Variants in VPS4B observed in about 807,000 individuals in gnomAD.
The protein encoded by VPS4B is vacuolar protein sorting-associated protein 4B.
VPS4B carries 23 observed loss-of-function variants against 56.1 expected under a neutral mutation model. That is an observed-to-expected ratio of 0.41 (90% CI 0.30 to 0.58). The LOEUF (loss-of-function observed/expected upper bound fraction) is 0.58, where lower values mean the gene tolerates loss of function less well. Ranked by LOEUF, VPS4B falls within the 20% of genes least tolerant of loss-of-function variation. The pLI, the probability that VPS4B is intolerant of heterozygous loss-of-function variation, is 0.29. For synonymous variants in VPS4B, 177 were observed against 186.0 expected (o/e 0.95, Z 0.39); for missense variants, 372 against 531.9 (o/e 0.70, Z 2.96).
At chr18:63,410,520 A>G in intron 2 of VPS4B, 74 bp from the exon 3 acceptor site, 1 of 1,547,960 alleles carries the variant, frequency 6.5e-7, no homozygotes, top group Non-Finnish European at 8.7e-7. Flanking sequence ...TTAAATATGT[A>G]TTTTTTCAGA....
intron 7 of VPS4B, among the ~76,000 whole-genome samples, chr18:63,399,731 T>C (rs1915768638): frequency 1.3e-5 from 2 of 152,194 alleles, no homozygotes; most frequent in South Asian, 2.1e-4. Flanking sequence ...TATGTATGCA[T>C]ATGGAAGACA....
chr18:63,405,851 T>C (rs1420505791), intron 4 of VPS4B, among the ~76,000 whole-genome samples: 1 of 151,020 alleles, frequency 6.6e-6, no homozygotes, highest in African/African-American at 2.4e-5. Flanking sequence ...CCGGGCATGG[T>C]GGTGTGTGCC....
chr18:63,392,359 A>AT (rs1915568390), intron 10 of VPS4B, among the ~76,000 whole-genome samples: 1 of 152,256 alleles, frequency 6.6e-6, no homozygotes, highest in South Asian at 2.1e-4. Flanking sequence ...TAGAACTACA[A>AT]TATTTAAACT....
intron 8 of VPS4B, among the ~76,000 whole-genome samples, chr18:63,398,204 C>CACACACACATATATATAT (rs1298374245): frequency 3.3e-4 from 37 of 112,480 alleles, no homozygotes; most frequent in African/African-American, 1.1e-3. Context: ...CACACACACA[C>CACACACACATATATATAT]ATATATATAT....
Position 63,400,119 on chromosome 18 carries a change from CAG to C in VPS4B, c.717_718del (p.Cys240TrpfsTer5). 6.2e-7 allele frequency: 1 copy of C among 1,613,760 alleles called. No homozygotes were observed. The highest frequency in any genetic ancestry group is 8.5e-7 in the Non-Finnish European group (1 of 1,179,898). ...ACTTTCATTTTCACTTCTTGAACCACAGAGAGAATCAATTTCATCAATGAAGA... is the reference window on the plus strand; with the variant it reads ...ACTTTCATTTTCACTTCTTGAACCACAGAGAATCAATTTCATCAATGAAGA... On this transcript the variant is annotated frameshift_variant, in exon 7 of 11. Transcript: ENST00000238497. LOFTEE classifies it high-confidence loss of function.
At chr18:63,402,397 A>C (rs1292693705) in intron 5 of VPS4B, among the ~76,000 whole-genome samples, 1 of 152,224 alleles carries the variant, frequency 6.6e-6, no homozygotes, top group Non-Finnish European at 1.5e-5. Context: ...AGAGAGAGAG[A>C]TGACCTCTCG....
rs575675817 is a variant in VPS4B, at chr18:63,422,072, A to G, written c.27+161T>C. ...GGGCCAGAAACGACCTTTCCGTTGG[A>G]AAACGGGCCCCTCTCCCACCTGCTG... On this transcript the variant is annotated intron_variant, in intron 1 of 10. Coordinates refer to ENST00000238497, the MANE Select transcript of VPS4B (RefSeq NM_004869.4). Among the ~76,000 whole-genome samples the G allele has an allele frequency of 1.0e-3, 156 of 152,210 alleles. 3 individuals carry two copies. The South Asian group carries it at 0.014, about 14-fold the overall frequency.
At position 63,400,034 on chromosome 18, in the gene VPS4B, A is replaced by T; in HGVS notation, c.790+14T>A. On this transcript the variant is annotated intron_variant, in intron 7 of 10. Transcript: ENST00000238497. ...ACTCCGTCTCAAAAAGAAAAAAAAA[A>T]TTAGTAACACTACCTTGCATTTGCA... is the stretch of plus-strand genomic sequence containing the variant. The T allele has an allele frequency of 6.3e-7, 1 of 1,590,518 alleles. No individual in the cohort carries two copies.
chr18:63,403,322 T>G (rs1915852269), intron 5 of VPS4B, among the ~76,000 whole-genome samples: 1 of 152,246 alleles, frequency 6.6e-6, no homozygotes. Context: ...AGCATACACA[T>G]TTAGCAAACA....
intron 5 of VPS4B, among the ~76,000 whole-genome samples, chr18:63,401,853 T>C (rs1915817381): frequency 6.6e-6 from 1 of 151,706 alleles, no homozygotes; most frequent in Non-Finnish European, 1.5e-5. Flanking sequence ...ATTAGCTGGG[T>C]GTGGTGGCAG....
At chr18:63,404,224 A>T (rs533053885) in intron 4 of VPS4B, among the ~76,000 whole-genome samples, 34 of 152,330 alleles carry the variant, frequency 2.2e-4, no homozygotes, top group Admixed American at 5.9e-4. Flanking sequence ...TATCAAAAGT[A>T]CTTGTTCTAC....
chr18:63,408,763 C>A (rs1756205419), intron 3 of VPS4B, among the ~76,000 whole-genome samples: 1 of 152,190 alleles, frequency 6.6e-6, no homozygotes. Context: ...ATAATATATC[C>A]CTTTTTGCTT....
intron 5 of VPS4B, 34 bp downstream of exon 5, chr18:63,403,673 C>T (rs1915858752): frequency 6.4e-7 from 1 of 1,573,256 alleles, no homozygotes. Context: ...CTTTTACAAA[C>T]TCATGAAATA....
At chr18:63,399,361 T>C (rs777588056) in intron 7 of VPS4B, 38 bp from the exon 8 acceptor site, 8 of 1,578,630 alleles carry the variant, frequency 5.1e-6, no homozygotes, top group Non-Finnish European at 6.1e-6. Context: ...TAATTTGTCA[T>C]TTTGGTGTTC....
chr18:63,396,850 C>A (rs7245157), intron 9 of VPS4B, 184 bp downstream of exon 9: 180,500 of 582,632 alleles, frequency 0.31, 29,882 homozygotes, highest in East Asian at 0.51. Context: ...ATTAGCCAGG[C>A]GTGGTGGCAC....
chr18:63,407,886 A>G (rs1226498280), intron 3 of VPS4B, among the ~76,000 whole-genome samples: 1 of 152,188 alleles, frequency 6.6e-6, no homozygotes, highest in Non-Finnish European at 1.5e-5. Context: ...AAATTAGAAC[A>G]AGAGGTCATA....
chr18:63,391,561 A>G (rs1317577624), intron 10 of VPS4B, among the ~76,000 whole-genome samples: 1 of 152,100 alleles, frequency 6.6e-6, no homozygotes, highest in African/African-American at 2.4e-5. Flanking sequence ...ATGATCTTTG[A>G]TCATGTTATT....
chr18:63,422,208 G>T (rs776463541), intron 1 of VPS4B, 25 bp downstream of exon 1: 1 of 1,498,922 alleles, frequency 6.7e-7, no homozygotes, highest in South Asian at 1.3e-5. Context: ...AGCTCCCTAG[G>T]GGGACGGGAG....
chr18:63,394,184 AAT>A (rs1915618874), intron 9 of VPS4B, among the ~76,000 whole-genome samples: 1 of 152,216 alleles, frequency 6.6e-6, no homozygotes, highest in Non-Finnish European at 1.5e-5. Context: ...AAGTGGTAGT[AAT>A]CTTAAAGACC....
Sources: gnomAD v4.1 joint callset for allele counts (sites outside exome capture counted in the v4.1 genomes callset) on GRCh38, gnomAD v4.1.1 for gene constraint, MANE v1.5 for transcripts, NCBI Gene and HGNC (gene_info 2026-07-23, HGNC 2026-07-21) for gene names.